The following PDE3A variants were observed in gnomAD, a reference collection of about 807,000 sequenced individuals.
PDE3A encodes cGMP-inhibited 3',5'-cyclic phosphodiesterase 3A.
Under a neutral mutation model 98.3 loss-of-function variants are expected in PDE3A, and 43 were observed. The ratio of observed to expected loss-of-function variants is 0.44; its 90% CI spans 0.34 to 0.56. The LOEUF (loss-of-function observed/expected upper bound fraction) is 0.56. Among genes scored for constraint, PDE3A ranks in the 20% least tolerant of loss-of-function variants. The pLI is 0.01. For synonymous variants in PDE3A, 663 were observed against 567.9 expected, an observed-to-expected ratio of 1.17 and a Z score of -2.38; for missense variants, 1,427 against 1,440.7, an observed-to-expected ratio of 0.99 and a Z score of 0.15.
chr12:20,651,179 A>C (rs548669081), intron 14 of PDE3A, among the ~76,000 whole-genome samples: 6 of 152,290 alleles, frequency 3.9e-5, no homozygotes, highest in Middle Eastern at 3.4e-3. Context: ...TGACATGATA[A>C]CTAAGAGTTA....
At chr12:20,612,243 G>A (rs1943875287) in intron 2 of PDE3A, among the ~76,000 whole-genome samples, 1 of 20,198 alleles carries the variant, frequency 5.0e-5, no homozygotes. Context: ...GTGGACATAA[G>A]TGGCTTTATA....
intron 1 of PDE3A, among the ~76,000 whole-genome samples, chr12:20,541,466 G>GA (rs1337932763): frequency 6.6e-6 from 1 of 151,702 alleles, no homozygotes; most frequent in Non-Finnish European, 1.5e-5. Context: ...GCTTGAAATA[G>GA]AAAAAAAGAA....
chr12:20,464,479 G>T (rs7485624), intron 1 of PDE3A, among the ~76,000 whole-genome samples: 126,330 of 152,122 alleles, frequency 0.83, 52,599 homozygotes, highest in East Asian at 0.98. Flanking sequence ...TTGGCTAATT[G>T]TTATCATAAT....
chr12:20,382,937 T>C (rs1218902664), intron 1 of PDE3A, among the ~76,000 whole-genome samples: 2 of 151,920 alleles, frequency 1.3e-5, no homozygotes, highest in Admixed American at 1.3e-4. Flanking sequence ...TTACAAAATA[T>C]GAAAATTTAA....
intron 2 of PDE3A, among the ~76,000 whole-genome samples, chr12:20,568,157 T>C (rs1432064091): frequency 6.6e-6 from 1 of 151,982 alleles, no homozygotes; most frequent in Non-Finnish European, 1.5e-5. Context: ...TCTGTACTTA[T>C]TCATGAATAA....
intron 2 of PDE3A, among the ~76,000 whole-genome samples, chr12:20,580,942 G>A (rs923073908): frequency 9.2e-5 from 14 of 152,274 alleles, no homozygotes; most frequent in African/African-American, 2.9e-4. Context: ...AATATGAATA[G>A]TAAATGGAAG....
At chr12:20,413,958 A>T (rs1033205624) in intron 1 of PDE3A, among the ~76,000 whole-genome samples, 1 of 152,132 alleles carries the variant, frequency 6.6e-6, no homozygotes, top group Non-Finnish European at 1.5e-5. Context: ...TGATTTTAAG[A>T]GGTGACAGGA....
chr12:20,393,860 C>A (rs1013135307), intron 1 of PDE3A, among the ~76,000 whole-genome samples: 1 of 152,004 alleles, frequency 6.6e-6, no homozygotes, highest in Non-Finnish European at 1.5e-5. Flanking sequence ...TTTTCAAACA[C>A]TAACCTGCCT....
chr12:20,435,818 C>T (rs901447206), intron 1 of PDE3A, among the ~76,000 whole-genome samples: 5 of 152,194 alleles, frequency 3.3e-5, no homozygotes, highest in African/African-American at 1.2e-4. Context: ...GTGGACTAAC[C>T]GTTATTAGTA....
intron 1 of PDE3A, among the ~76,000 whole-genome samples, chr12:20,449,016 C>T (rs10734703): frequency 0.86 from 130,296 of 152,188 alleles, 58,575 homozygotes; most frequent in East Asian, 1. Flanking sequence ...TTAACATATG[C>T]ATTTATCACC....
chr12:20,477,590 A>G (rs1421027651), intron 1 of PDE3A, among the ~76,000 whole-genome samples: 1 of 152,234 alleles, frequency 6.6e-6, no homozygotes, highest in African/African-American at 2.4e-5. Flanking sequence ...ATTTTTAAAA[A>G]TAACCTTGAT....
chr12:20,655,039 C>A (rs1338953138), intron 15 of PDE3A, among the ~76,000 whole-genome samples: 1 of 152,074 alleles, frequency 6.6e-6, no homozygotes, highest in East Asian at 1.9e-4. Flanking sequence ...AAAATAAAAT[C>A]CTTGCCCTTA....
intron 1 of PDE3A, among the ~76,000 whole-genome samples, chr12:20,397,752 T>C (rs79638304): frequency 0.071 from 10,730 of 152,146 alleles, 493 homozygotes; most frequent in Admixed American, 0.1. Flanking sequence ...ATTTTAAAGA[T>C]GGCCTATAAA....
At position 20,633,794 on chromosome 12, in the gene PDE3A, G is replaced by A. The variant is rs759328545; in HGVS notation, c.1846+16G>A. ...AGTAGAACAGGTAATTCATTGTTTT[G>A]GATTCTGTTGCCCAAAATGGAAATT... is the stretch of plus-strand genomic sequence containing the variant. On this transcript the variant is annotated intron_variant, in intron 7 of 15. Transcript: ENST00000359062. 6.8e-7 allele frequency: 1 copy of A among 1,460,612 alleles called. No individual in the cohort carries two copies. Among genetic ancestry groups the A allele is most frequent in the South Asian group, 1.2e-5 (1 of 84,116 alleles). The allele number at this position is 1,460,612 out of a possible 1,614,324, so 90.5% of individuals were successfully genotyped here. A position where few individuals can be genotyped will look rare whatever the true frequency, so the allele number is the denominator to read the frequency against.
rs1045589065 is a variant in PDE3A at position 20,683,655 on chromosome 12, A to T, written c.*3384A>T. ...TTAGCTGTAATATTTTTTGTCATTT[A>T]GATAAGACCTGGTTTGGCTCTCAAT... On this transcript the variant is annotated 3_prime_UTR_variant, in exon 16 of 16. Coordinates refer to ENST00000359062, the MANE Select transcript of PDE3A (RefSeq NM_000921.5). 6.6e-6 allele frequency: 1 copy of T among 152,166 alleles called. No individual in the cohort carries two copies. The highest frequency in any genetic ancestry group is 2.4e-5 in the African/African-American group (1 of 41,452). 9.4% of individuals were successfully genotyped at this position (152,166 alleles called of 1,614,324 possible).
In PDE3A at chr12:20,685,461, C is replaced by T. The variant is rs960696700; in HGVS notation, c.*5190C>T. On this transcript the variant is annotated 3_prime_UTR_variant, in exon 16 of 16. Transcript: ENST00000359062. ...CATTTTTTGGCAAAATATGAAGACA[C>T]GAAACTGAAGATAAAGGCTTCATTT... Among the ~76,000 whole-genome samples, 4 of 139,440 alleles carry T rather than the reference C, an allele frequency of 2.9e-5. No homozygotes were observed. Among genetic ancestry groups the T allele is most frequent in the Admixed American group, 7.1e-5 (1 of 14,052 alleles). 91.5% of individuals were successfully genotyped at this position (139,440 alleles called of 152,430 possible). A position where few individuals can be genotyped will look rare whatever the true frequency, so the allele number is the denominator to read the frequency against.
Position 20,589,968 on chromosome 12 carries a change from G to A in PDE3A, c.1012-23475G>A, listed in dbSNP as rs556920121. On this transcript the variant is annotated intron_variant, in intron 2 of 15. Transcript: ENST00000359062. ...TATGCCTACACTCACGGTCATAATA[G>A]GTTACCTACAGTGCAACAGATCTAG... is the stretch of plus-strand genomic sequence containing the variant. Among the ~76,000 whole-genome samples, 6 of 151,814 alleles carry A rather than the reference G, an allele frequency of 4.0e-5. No homozygotes were observed. The East Asian group carries it at 7.8e-4, about 20-fold the overall frequency.
intron 1 of PDE3A, among the ~76,000 whole-genome samples, chr12:20,491,986 A>G (rs1476588630): frequency 7.4e-6 from 1 of 135,352 alleles, no homozygotes; most frequent in Non-Finnish European, 1.7e-5. Context: ...TTTAGTACAG[A>G]GAGTTTTTTT....
At chr12:20,654,281 A>G in intron 15 of PDE3A, 76 bp downstream of exon 15, 1 of 1,381,782 alleles carries the variant, frequency 7.2e-7, no homozygotes, top group Non-Finnish European at 1.0e-6. Flanking sequence ...TATGCTTCTT[A>G]TGAAATACAC....
Sources: gnomAD v4.1 joint callset for allele counts (sites outside exome capture counted in the v4.1 genomes callset) on GRCh38, gnomAD v4.1.1 for gene constraint, MANE v1.5 for transcripts, NCBI Gene and HGNC (gene_info 2026-07-23, HGNC 2026-07-21) for gene names.